CD53: variants seen among roughly 807,000 people sequenced by gnomAD.
The protein encoded by CD53 is CD53 molecule, also known as leukocyte surface antigen CD53.
A neutral mutation model predicts 27.3 loss-of-function variants in CD53; 20 were observed. That is an observed-to-expected ratio of 0.73 (90% CI 0.52 to 1.07). CD53 has a LOEUF of 1.07. Among genes scored for constraint, CD53 ranks in the 50% least tolerant of loss-of-function variants. CD53 has a pLI of 0.00. For synonymous variants in CD53, 106 were observed against 105.3 expected (o/e 1.01, Z -0.04); for missense variants, 216 against 264.0 (o/e 0.82, Z 1.26).
rs1657225577 is a variant in CD53, at chr1:110,899,630, G to A, written c.*435G>A. 1 of 168,436 alleles carries A rather than the reference G, an allele frequency of 5.9e-6. No homozygotes were observed. The highest frequency in any genetic ancestry group is 2.4e-5 in the African/African-American group (1 of 41,560). The allele number at this position is 168,436 out of a possible 1,614,324, so 10.4% of individuals were successfully genotyped here. A position where few individuals can be genotyped will look rare whatever the true frequency, so the allele number is the denominator to read the frequency against. On this transcript the variant is annotated 3_prime_UTR_variant, in exon 8 of 8. Transcript: ENST00000271324. ...AGGGAGTTCTGGGGCCAGGCTCACTGGACCATTGTCACAACCCTCTGTTTC... is the reference window on the plus strand; with the variant it reads ...AGGGAGTTCTGGGGCCAGGCTCACTAGACCATTGTCACAACCCTCTGTTTC...
At position 110,892,378 on chromosome 1, in the gene CD53, T is replaced by C; in HGVS notation, c.97T>C (p.Tyr33His). 1 of 1,614,032 alleles carries C rather than the reference T, an allele frequency of 6.2e-7. No individual in the cohort carries two copies. The highest frequency in any genetic ancestry group is 8.5e-7 in the Non-Finnish European group (1 of 1,179,862). ...CGCCILGFGI[Y>H]LLIHNNFGVL... ...CTGCTGCATTTTGGGCTTTGGGATC[T>C]ACCTGCTGATCCACAACAACTTCGG... is the stretch of plus-strand genomic sequence containing the variant. Residue 33 changes from tyrosine to histidine, a missense_variant, in exon 3 of 8, where the codon TAC (tyrosine) becomes CAC (histidine). Transcript: ENST00000271324.
chr1:110,884,807 T>G (rs561022107), intron 1 of CD53, among the ~76,000 whole-genome samples: 1 of 151,680 alleles, frequency 6.6e-6, no homozygotes, highest in Admixed American at 6.6e-5. Flanking sequence ...TCTTTTTCCA[T>G]CCTTTTACTT....
At chr1:110,890,427 C>G (rs1557818568) in intron 1 of CD53, among the ~76,000 whole-genome samples, 1 of 152,014 alleles carries the variant, frequency 6.6e-6, no homozygotes, top group Non-Finnish European at 1.5e-5. Context: ...ATTATCCGGG[C>G]ATGATGGTGC....
intron 1 of CD53, among the ~76,000 whole-genome samples, chr1:110,886,846 A>AAGATATATATATATAT (rs141935496): frequency 9.8e-4 from 99 of 100,982 alleles, no homozygotes; most frequent in South Asian, 1.8e-3. Flanking sequence ...CTCTGTCTCC[A>AAGATATATATATATAT]ATATATATAT....
intron 1 of CD53, among the ~76,000 whole-genome samples, chr1:110,878,406 G>A (rs1402308412): frequency 6.6e-6 from 1 of 152,162 alleles, no homozygotes; most frequent in East Asian, 1.9e-4. Flanking sequence ...GAATGCTCTT[G>A]TATGTAAATT....
intron 1 of CD53, chr1:110,880,146 A>G (rs576152965): frequency 1.4e-4 from 21 of 152,246 alleles, no homozygotes; most frequent in African/African-American, 4.8e-4. Context: ...GCATAGAACC[A>G]TGAGTCATGC....
intron 1 of CD53, among the ~76,000 whole-genome samples, chr1:110,880,666 A>T (rs4456092): frequency 0.26 from 40,133 of 152,006 alleles, 5,718 homozygotes; most frequent in Non-Finnish European, 0.32. Flanking sequence ...AAGGCTCCTG[A>T]CTCTGCAGTG....
chr1:110,872,009 T>C (rs1655983443), upstream of CD53, among the ~76,000 whole-genome samples: 1 of 152,206 alleles, frequency 6.6e-6, no homozygotes, highest in African/African-American at 2.4e-5. Context: ...ACTCTGGATC[T>C]GAATGTCTCA....
Position 110,899,490 on chromosome 1 carries a change from A to G in CD53, c.*295A>G, listed in dbSNP as rs894042543. 4 of 289,946 alleles carry G rather than the reference A, an allele frequency of 1.4e-5. No homozygotes were observed. The highest frequency in any genetic ancestry group is 5.0e-5 in the Admixed American group (1 of 20,074). 18.0% of individuals were successfully genotyped at this position (289,946 alleles called of 1,614,324 possible). On this transcript the variant is annotated 3_prime_UTR_variant, in exon 8 of 8. Transcript: ENST00000271324. ...AAGACAAACTGGATTTAATGGCCCA[A>G]CATCAAAGGGTGAACCCAGGATATG...
Position 110,899,493 on chromosome 1 carries a change from T to A in CD53, c.*298T>A, listed in dbSNP as rs1657214336. 1 of 278,346 alleles carries A rather than the reference T, an allele frequency of 3.6e-6. No homozygotes were observed. Among genetic ancestry groups the A allele is most frequent in the Admixed American group, 5.1e-5 (1 of 19,640 alleles). The allele number at this position is 278,346 out of a possible 1,614,324, so 17.2% of individuals were successfully genotyped here. On this transcript the variant is annotated 3_prime_UTR_variant, in exon 8 of 8. Transcript: ENST00000271324. ...ACAAACTGGATTTAATGGCCCAACA[T>A]CAAAGGGTGAACCCAGGATATGAAT...
At chr1:110,875,201 T>C (rs1171316837) in intron 1 of CD53, among the ~76,000 whole-genome samples, 1 of 152,134 alleles carries the variant, frequency 6.6e-6, no homozygotes. Context: ...TCCAGGCATG[T>C]TAGAAATGAG....
At chr1:110,872,239 A>AT (rs1553202004), upstream of CD53, among the ~76,000 whole-genome samples, 1 of 152,140 alleles carries the variant, frequency 6.6e-6, no homozygotes, top group Non-Finnish European at 1.5e-5. Flanking sequence ...CCAGAAACAC[A>AT]TTTTTCAAAA....
rs1494324 is a variant in CD53, at chr1:110,873,219, G to C, written c.-47G>C. On this transcript the variant is annotated 5_prime_UTR_variant, in exon 1 of 8. Transcript: ENST00000271324. ...TCAAGGATAATCACTAAATTCTGCC[G>C]AAAGGACTGAGGAACGGTGCCTGGA... 1 of 152,394 alleles carries C rather than the reference G, an allele frequency of 6.6e-6. No individual in the cohort carries two copies. The highest frequency in any genetic ancestry group is 2.1e-4 in the South Asian group (1 of 4,832). The allele number at this position is 152,394 out of a possible 1,614,324, so 9.4% of individuals were successfully genotyped here.
At chr1:110,894,783 C>A (rs146853920) in intron 4 of CD53, among the ~76,000 whole-genome samples, 177 bp from the exon 5 acceptor site, 43 of 152,312 alleles carry the variant, frequency 2.8e-4, no homozygotes, top group Middle Eastern at 3.4e-3. Flanking sequence ...TCCTTCAATG[C>A]CACCTCATGC....
chr1:110,896,747 C>T lies in CD53; in HGVS notation c.504+14C>T. ...CGAAAAGTGGAGGTAATTTTGTCGGCAATGTTTCTGTTATTGACCTCTTTG... is the reference window on the plus strand; with the variant it reads ...CGAAAAGTGGAGGTAATTTTGTCGGTAATGTTTCTGTTATTGACCTCTTTG... On this transcript the variant is annotated intron_variant, in intron 6 of 7. Coordinates refer to ENST00000271324, the MANE Select transcript of CD53 (RefSeq NM_000560.4). The T allele has an allele frequency of 6.2e-7, 1 of 1,608,800 alleles. No individual in the cohort carries two copies.
intron 4 of CD53, 102 bp from the exon 5 acceptor site, chr1:110,894,858 A>C (rs1656995219): frequency 3.6e-6 from 3 of 832,882 alleles, no homozygotes. Flanking sequence ...ACCATTTGGA[A>C]GGGAAGCGCA....
At position 110,890,214 on chromosome 1, in the gene CD53, T is replaced by G. The variant is rs189648115; in HGVS notation, c.-17-1178T>G. 6.8e-4 allele frequency among the ~76,000 whole-genome samples: 104 copies of G among 152,216 alleles called. 1 individual carries two copies. Among genetic ancestry groups the G allele is most frequent in the African/African-American group, 2.5e-3 (102 of 41,524 alleles). ...CCCAACATTCTGCTTGATATATCAG[T>G]CCTGTGCACGGTTTTAAAAATGAGT... On this transcript the variant is annotated intron_variant, in intron 1 of 7. Coordinates refer to ENST00000271324, the MANE Select transcript of CD53 (RefSeq NM_000560.4).
rs769535015 is a variant in CD53, at chr1:110,897,872, AT to A, written c.569del (p.Ile190ThrfsTer5). ...SNFLYIGIIT[I>X]CVCVIEVLGM... The stretch of plus-strand genomic sequence containing the variant: ...TTTCCTGTATATCGGAATCATCACC[AT>A]CTGTGTATGTGTGATTGAGGTAAGA... On this transcript the variant is annotated frameshift_variant, in exon 7 of 8. Transcript: ENST00000271324. LOFTEE classifies it high-confidence loss of function. 2 of 1,609,188 alleles carry A rather than the reference AT, an allele frequency of 1.2e-6. No homozygotes were observed. Among genetic ancestry groups the A allele is most frequent in the Non-Finnish European group, 1.7e-6 (2 of 1,175,834 alleles).
intron 4 of CD53, 57 bp downstream of exon 4, chr1:110,894,458 T>C: frequency 7.8e-7 from 1 of 1,282,714 alleles, no homozygotes; most frequent in Admixed American, 1.7e-5. Flanking sequence ...GAGTATGCAG[T>C]GGAGAAGTTG....
Sources: gnomAD v4.1 joint callset for allele counts (sites outside exome capture counted in the v4.1 genomes callset) on GRCh38, gnomAD v4.1.1 for gene constraint, MANE v1.5 for transcripts, NCBI Gene and HGNC (gene_info 2026-07-23, HGNC 2026-07-21) for gene names.